CPNE4: variants seen among roughly 807,000 people sequenced by gnomAD.
CPNE4 encodes the protein copine 4.
CPNE4 carries 25 observed loss-of-function variants against 67.9 expected under a neutral mutation model. The ratio of observed to expected loss-of-function variants is 0.37; its 90% confidence interval spans 0.27 to 0.51. CPNE4 has a LOEUF of 0.51. Among genes scored for constraint, CPNE4 ranks in the 20% least tolerant of loss-of-function variants. The pLI is 0.93. For missense variants in CPNE4, 464 were observed against 690.8 expected (o/e 0.67, Z 3.68); for synonymous variants, 242 against 244.9 (o/e 0.99, Z 0.11).
intron 15 of CPNE4, chr3:131,537,630 C>A: frequency 3.3e-6 from 1 of 302,004 alleles, no homozygotes; most frequent in Non-Finnish European, 6.6e-6. Context: ...AATCCCTTTG[C>A]CATTGTAATA....
intron 2 of CPNE4, among the ~76,000 whole-genome samples, chr3:131,898,259 C>T (rs1041404609): frequency 2.6e-5 from 4 of 152,202 alleles, no homozygotes; most frequent in African/African-American, 9.6e-5. Context: ...CCCTCTCAAA[C>T]TCTTTCTCCA....
intron 13 of CPNE4, among the ~76,000 whole-genome samples, chr3:131,552,084 A>T (rs896763305): frequency 3.7e-5 from 5 of 134,012 alleles, no homozygotes; most frequent in African/African-American, 5.5e-5. Flanking sequence ...AAAAAAAAAC[A>T]CTTGATGAAA....
intron 8 of CPNE4, among the ~76,000 whole-genome samples, chr3:131,582,162 G>C (rs977557510): frequency 2.0e-5 from 3 of 152,194 alleles, no homozygotes; most frequent in Non-Finnish European, 2.9e-5. Context: ...GTTAGGAATA[G>C]TGAATGCTGG....
intron 2 of CPNE4, among the ~76,000 whole-genome samples, chr3:131,863,526 C>T (rs1176575491): frequency 6.6e-6 from 1 of 152,202 alleles, no homozygotes. Context: ...AGTGTCTGTT[C>T]ATATCCTTCG....
chr3:131,610,067 T>C (rs1370892481), intron 7 of CPNE4, among the ~76,000 whole-genome samples: 3 of 152,186 alleles, frequency 2.0e-5, no homozygotes, highest in African/African-American at 7.2e-5. Flanking sequence ...ATTACACTAG[T>C]ATAATACTTC....
rs146046927 is a variant in CPNE4 at position 131,777,635 on chromosome 3, A to G, written c.181-54010T>C. ...CTTTCTTTGGGCGGTTGTCTCATCA[A>G]TAGCAGCCATAGAGACTCAATATAT... On this transcript the variant is annotated intron_variant, in intron 2 of 15. Transcript: ENST00000429747. Among the ~76,000 whole-genome samples the G allele has an allele frequency of 1.6e-3, 238 of 152,238 alleles. 2 individuals carry two copies. The highest frequency in any genetic ancestry group is 5.5e-3 in the African/African-American group (230 of 41,576).
intron 2 of CPNE4, among the ~76,000 whole-genome samples, chr3:131,737,146 G>T: frequency 1.2e-5 from 1 of 83,546 alleles, no homozygotes; most frequent in African/African-American, 4.8e-5. Flanking sequence ...TTTTTTGAGA[G>T]GGAGTCTCGC....
At chr3:131,564,127 TA>T in intron 11 of CPNE4, 88 bp downstream of exon 11, 1 of 1,519,166 alleles carries the variant, frequency 6.6e-7, no homozygotes, top group Non-Finnish European at 9.1e-7. Context: ...CTACTAGACT[TA>T]ATTTCCACTT....
At position 131,615,889 on chromosome 3, in the gene CPNE4, TCTCA is replaced by T. The variant is rs1339066917; in HGVS notation, c.682-28311_682-28308del. Among the ~76,000 whole-genome samples the T allele has an allele frequency of 4.1e-4, 41 of 100,322 alleles. No individual in the cohort carries two copies. The South Asian group carries it at 6.4e-3, about 16-fold the overall frequency. 65.8% of individuals were successfully genotyped at this position (100,322 alleles called of 152,430 possible). A position where few individuals can be genotyped will look rare whatever the true frequency, so the allele number is the denominator to read the frequency against. On this transcript the variant is annotated intron_variant, in intron 7 of 15. Coordinates refer to ENST00000429747, the MANE Select transcript of CPNE4 (RefSeq NM_130808.3). ...ACAAGAGCAAAACCCCATCTCTCTC[TCTCA>T]CACACACACACACACACACACACAC...
At chr3:131,727,088 C>T (rs2082017872) in intron 2 of CPNE4, among the ~76,000 whole-genome samples, 1 of 152,170 alleles carries the variant, frequency 6.6e-6, no homozygotes, top group African/African-American at 2.4e-5. Flanking sequence ...TAGTTGTATA[C>T]TATTTTACAA....
chr3:131,606,478 G>T (rs1939512247), intron 7 of CPNE4, among the ~76,000 whole-genome samples: 1 of 152,134 alleles, frequency 6.6e-6, no homozygotes, highest in Non-Finnish European at 1.5e-5. Flanking sequence ...CTCAGATAAT[G>T]AAAAGACACT....
chr3:131,583,045 C>A (rs1443696562), intron 8 of CPNE4, among the ~76,000 whole-genome samples: 1 of 152,184 alleles, frequency 6.6e-6, no homozygotes, highest in Non-Finnish European at 1.5e-5. Flanking sequence ...TGGGCAACTA[C>A]ATAGGATTTG....
chr3:132,010,350 G>A (rs889182261), intron 1 of CPNE4, among the ~76,000 whole-genome samples: 1 of 152,116 alleles, frequency 6.6e-6, no homozygotes, highest in Non-Finnish European at 1.5e-5. Flanking sequence ...GAGGAAAAAC[G>A]AACAAAATAT....
At chr3:131,569,518 G>C (rs942446172) in intron 10 of CPNE4, among the ~76,000 whole-genome samples, 3 of 151,698 alleles carry the variant, frequency 2.0e-5, no homozygotes, top group African/African-American at 7.3e-5. Flanking sequence ...TATGGTTGTA[G>C]TCCCAGCTAC....
chr3:131,885,531 T>A (rs1341219732), intron 2 of CPNE4, among the ~76,000 whole-genome samples: 3 of 150,936 alleles, frequency 2.0e-5, no homozygotes, highest in African/African-American at 7.3e-5. Context: ...TTAAATTTTT[T>A]TTAATTTTTT....
At position 131,749,168 on chromosome 3, in the gene CPNE4, T is replaced by C. The variant is rs555219795; in HGVS notation, c.181-25543A>G. Among the ~76,000 whole-genome samples, 21 of 152,292 alleles carry C rather than the reference T, an allele frequency of 1.4e-4. No individual in the cohort carries two copies. In the South Asian group the frequency reaches 4.4e-3, roughly 32 times the overall value. On this transcript the variant is annotated intron_variant, in intron 2 of 15. Transcript: ENST00000429747. ...TCATTCACTTCAATGTATTTTTACA[T>C]TTCCCTTGAGACTGTTTTTGGATCA...
intron 1 of CPNE4, among the ~76,000 whole-genome samples, chr3:132,010,821 A>T (rs2073742145): frequency 6.6e-6 from 1 of 152,094 alleles, no homozygotes; most frequent in African/African-American, 2.4e-5. Context: ...TGTTACTTCT[A>T]GTTGTTAGAG....
At chr3:131,639,216 AC>A (rs1199930880) in intron 7 of CPNE4, among the ~76,000 whole-genome samples, 1 of 152,118 alleles carries the variant, frequency 6.6e-6, no homozygotes, top group African/African-American at 2.4e-5. Context: ...GATAAATGAA[AC>A]AAAAAGTTGG....
At chr3:131,664,982 A>G (rs1479507659) in intron 7 of CPNE4, among the ~76,000 whole-genome samples, 2 of 152,180 alleles carry the variant, frequency 1.3e-5, no homozygotes, top group East Asian at 3.8e-4. Flanking sequence ...AAGGTATTTA[A>G]TTGTATTGAA....
Sources: gnomAD v4.1 joint callset for allele counts (sites outside exome capture counted in the v4.1 genomes callset) on GRCh38, gnomAD v4.1.1 for gene constraint, MANE v1.5 for transcripts, NCBI Gene and HGNC (gene_info 2026-07-23, HGNC 2026-07-21) for gene names.